Variants in CTNNA3 observed in about 807,000 individuals in gnomAD.
The protein encoded by CTNNA3 is catenin alpha-3.
Under a neutral mutation model 95.7 loss-of-function variants are expected in CTNNA3, and 76 were observed. The ratio of observed to expected loss-of-function variants is 0.79; its 90% CI spans 0.66 to 0.96. CTNNA3 has a LOEUF of 0.96. Ranked by LOEUF, CTNNA3 falls within the 40% of genes least tolerant of loss-of-function variation. CTNNA3 has a pLI of 0.00. For missense variants in CTNNA3, 1,191 were observed against 1,089.8 expected, an observed-to-expected ratio of 1.09 and a Z score of -1.31; for synonymous variants, 431 against 374.4, an observed-to-expected ratio of 1.15 and a Z score of -1.74.
chr10:66,513,836 C>T (rs929442165), intron 11 of CTNNA3, among the ~76,000 whole-genome samples: 16 of 152,264 alleles, frequency 1.1e-4, no homozygotes, highest in South Asian at 2.1e-4. Context: ...GCCTCCCTGA[C>T]GTGCAGGACT....
At chr10:66,941,700 T>C (rs1406551549) in intron 7 of CTNNA3, among the ~76,000 whole-genome samples, 3 of 152,152 alleles carry the variant, frequency 2.0e-5, no homozygotes, top group Non-Finnish European at 4.4e-5. Context: ...GCTGCAGCCT[T>C]GACCGCACTG....
chr10:66,443,890 A>C (rs960103856), intron 11 of CTNNA3, among the ~76,000 whole-genome samples: 1 of 152,162 alleles, frequency 6.6e-6, no homozygotes, highest in Non-Finnish European at 1.5e-5. Context: ...TACAGGAGGA[A>C]ATTCAAACCA....
intron 13 of CTNNA3, among the ~76,000 whole-genome samples, chr10:66,244,476 G>A (rs1211530676): frequency 6.6e-6 from 1 of 152,190 alleles, no homozygotes; most frequent in African/African-American, 2.4e-5. Flanking sequence ...GTCTAGCCTA[G>A]GGCAGTTCCA....
intron 7 of CTNNA3, among the ~76,000 whole-genome samples, chr10:66,978,542 A>T (rs866355292): frequency 6.3e-4 from 43 of 68,552 alleles, no homozygotes; most frequent in South Asian, 1.7e-3. Flanking sequence ...AAAAAAAAAA[A>T]AAAAAAAAAA....
chr10:66,382,360 C>T (rs981263893), intron 11 of CTNNA3, among the ~76,000 whole-genome samples: 22 of 152,238 alleles, frequency 1.4e-4, no homozygotes, highest in South Asian at 1.0e-3. Context: ...ATCTGCGAGG[C>T]GGCAGCCTGG....
At chr10:66,243,184 A>G (rs192401750) in intron 13 of CTNNA3, among the ~76,000 whole-genome samples, 7 of 152,360 alleles carry the variant, frequency 4.6e-5, no homozygotes, top group Admixed American at 4.6e-4. Flanking sequence ...TCACAAAATG[A>G]CATATACCAG....
chr10:67,596,867 G>A (rs983429395), intron 3 of CTNNA3, among the ~76,000 whole-genome samples: 1 of 152,178 alleles, frequency 6.6e-6, no homozygotes, highest in Non-Finnish European at 1.5e-5. Context: ...TGTTTTCCAA[G>A]GCATTCTCTC....
intron 1 of CTNNA3, among the ~76,000 whole-genome samples, chr10:67,673,609 T>C (rs1320717672): frequency 1.4e-5 from 2 of 147,058 alleles, no homozygotes; most frequent in Non-Finnish European, 1.5e-5. Context: ...TCTGCATCTA[T>C]TGAGATAATC....
chr10:67,270,179 T>G (rs1466305097), intron 5 of CTNNA3, among the ~76,000 whole-genome samples: 2 of 152,026 alleles, frequency 1.3e-5, no homozygotes, highest in East Asian at 3.9e-4. Context: ...TGTCCCTTTT[T>G]CGAGTATACA....
At chr10:66,586,000 C>T (rs1843348762) in intron 10 of CTNNA3, among the ~76,000 whole-genome samples, 1 of 151,938 alleles carries the variant, frequency 6.6e-6, no homozygotes, top group African/African-American at 2.4e-5. Flanking sequence ...TTAGTTTCAG[C>T]TCTGGGTGGT....
intron 15 of CTNNA3, among the ~76,000 whole-genome samples, chr10:66,061,234 G>T (rs1018884159): frequency 3.9e-5 from 6 of 152,088 alleles, no homozygotes; most frequent in African/African-American, 1.4e-4. Flanking sequence ...ATTTGTAACT[G>T]TGCACAAATG....
At chr10:66,886,488 C>T (rs1412707962) in intron 7 of CTNNA3, among the ~76,000 whole-genome samples, 2 of 152,158 alleles carry the variant, frequency 1.3e-5, no homozygotes, top group African/African-American at 4.8e-5. Context: ...AAACAGGGTA[C>T]TCCCTCATTC....
chr10:66,252,373 A>T (rs1277797554), intron 13 of CTNNA3, among the ~76,000 whole-genome samples: 2 of 152,136 alleles, frequency 1.3e-5, no homozygotes, highest in Non-Finnish European at 2.9e-5. Context: ...ACATTTTCTT[A>T]TATTTCTTTC....
intron 15 of CTNNA3, among the ~76,000 whole-genome samples, chr10:66,035,200 T>G (rs1311392024): frequency 6.6e-6 from 1 of 152,116 alleles, no homozygotes; most frequent in Non-Finnish European, 1.5e-5. Context: ...GGTAATTAGA[T>G]GGATAAATAG....
At chr10:66,445,544 G>C (rs1266544468) in intron 11 of CTNNA3, among the ~76,000 whole-genome samples, 2 of 152,118 alleles carry the variant, frequency 1.3e-5, no homozygotes. Flanking sequence ...CAACTACATG[G>C]AAACGGAACA....
At chr10:66,957,153 G>A (rs1391775886) in intron 7 of CTNNA3, among the ~76,000 whole-genome samples, 4 of 151,952 alleles carry the variant, frequency 2.6e-5, no homozygotes, top group Non-Finnish European at 4.4e-5. Context: ...GAAGTCTTTA[G>A]TATAATGTTT....
At chr10:66,475,145 CAA>C (rs1453560810) in intron 11 of CTNNA3, among the ~76,000 whole-genome samples, 1 of 151,878 alleles carries the variant, frequency 6.6e-6, no homozygotes, top group Admixed American at 6.6e-5. Flanking sequence ...TTGACCAAAC[CAA>C]AGTCATAAGG....
At chr10:67,481,933 T>C (rs967869247) in intron 5 of CTNNA3, among the ~76,000 whole-genome samples, 12 of 151,888 alleles carry the variant, frequency 7.9e-5, no homozygotes, top group Non-Finnish European at 1.5e-4. Context: ...GTATAAGGTG[T>C]AAGGAAGGGA....
chr10:66,593,474 T>C (rs932034148), intron 10 of CTNNA3, among the ~76,000 whole-genome samples: 4 of 152,148 alleles, frequency 2.6e-5, no homozygotes, highest in Admixed American at 6.5e-5. Context: ...CCAAAGTTTC[T>C]GTTTCTTTAG....
Sources: gnomAD v4.1 joint callset for allele counts (sites outside exome capture counted in the v4.1 genomes callset) on GRCh38, gnomAD v4.1.1 for gene constraint, MANE v1.5 for transcripts, NCBI Gene and HGNC (gene_info 2026-07-23, HGNC 2026-07-21) for gene names.